Variants in UNC5C observed in about 807,000 individuals in gnomAD.
UNC5C encodes the protein netrin receptor UNC5C.
In UNC5C, 47 loss-of-function variants were observed where a neutral mutation model predicts 99.8. The ratio of observed to expected loss-of-function variants is 0.47; its 90% confidence interval spans 0.37 to 0.60. The LOEUF is 0.60. Among genes scored for constraint, UNC5C ranks in the 20% least tolerant of loss-of-function variants. The pLI, the probability that UNC5C is intolerant of heterozygous loss-of-function variation, is 0.00. For missense variants in UNC5C, 1,062 were observed against 1,165.9 expected (o/e 0.91, Z 1.30); for synonymous variants, 487 against 452.2 (o/e 1.08, Z -0.98).
intron 1 of UNC5C, among the ~76,000 whole-genome samples, chr4:95,367,089 A>G (rs1744595986): frequency 6.6e-6 from 1 of 152,166 alleles, no homozygotes; most frequent in South Asian, 2.1e-4. Flanking sequence ...CATTTAACAT[A>G]TTATATAAAG....
At chr4:95,467,854 T>G (rs1191880011) in intron 1 of UNC5C, among the ~76,000 whole-genome samples, 1 of 152,172 alleles carries the variant, frequency 6.6e-6, no homozygotes, top group Non-Finnish European at 1.5e-5. Context: ...TTATACTGTA[T>G]TTTTACAATA....
rs2276322 is a variant in UNC5C at position 95,206,718 on chromosome 4, T to A, written c.1812A>T (p.Pro604=). 19 of 1,613,628 alleles carry A rather than the reference T, an allele frequency of 1.2e-5. No homozygotes were observed. The highest frequency in any genetic ancestry group is 8.9e-5 in the East Asian group (4 of 44,854). ...CGPPGALLTR[P]VVLTMHHCAD... is the part of the protein sequence containing the mutation. ...CGCAGTGATGCATAGTGAGGACGACTGGGCGGGTGAGCAGAGCTCCTGGGG... is the reference window on the plus strand; with the variant it reads ...CGCAGTGATGCATAGTGAGGACGACAGGGCGGGTGAGCAGAGCTCCTGGGG... Residue 604 remains proline (P), a synonymous_variant, in exon 11 of 16, where the codon CCA becomes CCT. Coordinates refer to ENST00000453304, the MANE Select transcript of UNC5C (RefSeq NM_003728.4).
At chr4:95,195,577 G>A (rs772805873) in intron 12 of UNC5C, among the ~76,000 whole-genome samples, 36 of 152,082 alleles carry the variant, frequency 2.4e-4, no homozygotes, top group Admixed American at 9.8e-4. Context: ...TTCAGAGTTC[G>A]GTAAGGTCAC....
At chr4:95,279,709 C>T (rs534918440) in intron 3 of UNC5C, among the ~76,000 whole-genome samples, 79 of 152,206 alleles carry the variant, frequency 5.2e-4, no homozygotes, top group Middle Eastern at 3.4e-3. Flanking sequence ...TCTGTTATCC[C>T]AGGTCCCTGA....
At chr4:95,504,047 C>G (rs1460073736) in intron 1 of UNC5C, among the ~76,000 whole-genome samples, 1 of 152,104 alleles carries the variant, frequency 6.6e-6, no homozygotes, top group Admixed American at 6.6e-5. Context: ...ATCCTAAACA[C>G]TTATTTCCTA....
At chr4:95,202,554 T>C (rs529805564) in intron 12 of UNC5C, among the ~76,000 whole-genome samples, 177 bp downstream of exon 12, 9 of 152,358 alleles carry the variant, frequency 5.9e-5, no homozygotes, top group African/African-American at 2.2e-4. Context: ...AAACAGCTCA[T>C]ATATCAGCAT....
chr4:95,231,952 A>G (rs1404716431), intron 7 of UNC5C, among the ~76,000 whole-genome samples: 1 of 152,204 alleles, frequency 6.6e-6, no homozygotes, highest in Admixed American at 6.5e-5. Context: ...ATGGTAATTT[A>G]CTGCTCCAGC....
intron 3 of UNC5C, among the ~76,000 whole-genome samples, chr4:95,281,303 C>CATATGA (rs1741052049): frequency 1.3e-5 from 2 of 152,130 alleles, no homozygotes; most frequent in Admixed American, 6.5e-5. Context: ...ATATGGTAGA[C>CATATGA]ATTTTATTAG....
intron 1 of UNC5C, among the ~76,000 whole-genome samples, chr4:95,458,456 A>G (rs265038): frequency 0.66 from 100,366 of 151,740 alleles, 33,876 homozygotes; most frequent in East Asian, 0.82. Flanking sequence ...TGACAAATAT[A>G]TAGTTTCAGT....
At chr4:95,405,059 C>T (rs563923335) in intron 1 of UNC5C, among the ~76,000 whole-genome samples, 221 of 152,236 alleles carry the variant, frequency 1.5e-3, no homozygotes, top group African/African-American at 5.0e-3. Flanking sequence ...ATTCATTCTT[C>T]GAGTGTGTGA....
At chr4:95,396,177 G>A (rs1745503333) in intron 1 of UNC5C, among the ~76,000 whole-genome samples, 1 of 152,160 alleles carries the variant, frequency 6.6e-6, no homozygotes, top group Non-Finnish European at 1.5e-5. Flanking sequence ...GAGAGATTCT[G>A]CTGTGTAGAA....
chr4:95,423,350 C>A (rs921344480), intron 1 of UNC5C, among the ~76,000 whole-genome samples: 3 of 152,222 alleles, frequency 2.0e-5, no homozygotes, highest in Non-Finnish European at 4.4e-5. Context: ...AGCCCACTGG[C>A]TGTTTCTGTA....
At chr4:95,428,019 T>C (rs962252299) in intron 1 of UNC5C, among the ~76,000 whole-genome samples, 1 of 152,068 alleles carries the variant, frequency 6.6e-6, no homozygotes, top group African/African-American at 2.4e-5. Flanking sequence ...TCCAAATCGC[T>C]AGATTTTCTA....
chr4:95,364,276 C>T (rs1744486717), intron 1 of UNC5C, among the ~76,000 whole-genome samples: 3 of 152,144 alleles, frequency 2.0e-5, no homozygotes, highest in Admixed American at 6.6e-5. Flanking sequence ...TCTGGAGATA[C>T]TGAAAAGGAA....
intron 2 of UNC5C, among the ~76,000 whole-genome samples, chr4:95,309,567 A>G (rs564252453): frequency 8.5e-5 from 13 of 152,208 alleles, no homozygotes; most frequent in Admixed American, 4.6e-4. Flanking sequence ...TATATAAGGA[A>G]CTCAGTCAAC....
intron 1 of UNC5C, among the ~76,000 whole-genome samples, chr4:95,424,290 A>T (rs1746400598): frequency 6.6e-6 from 1 of 151,134 alleles, no homozygotes; most frequent in Non-Finnish European, 1.5e-5. Context: ...GTGTGTACAC[A>T]CGGAAGCCAA....
intron 1 of UNC5C, among the ~76,000 whole-genome samples, chr4:95,529,298 ATATATT>A (rs1722578103): frequency 6.8e-6 from 1 of 148,092 alleles, no homozygotes; most frequent in Non-Finnish European, 1.5e-5. Context: ...ATATATGTAT[ATATATT>A]TATATGTATA....
intron 5 of UNC5C, among the ~76,000 whole-genome samples, chr4:95,246,174 A>C (rs1274711328): frequency 6.6e-6 from 1 of 152,244 alleles, no homozygotes; most frequent in African/African-American, 2.4e-5. Flanking sequence ...TGTAATGTTC[A>C]AAAACAAGAC....
intron 1 of UNC5C, among the ~76,000 whole-genome samples, chr4:95,449,965 A>C (rs1201683251): frequency 6.6e-6 from 1 of 152,206 alleles, no homozygotes; most frequent in Non-Finnish European, 1.5e-5. Flanking sequence ...GCCCGTACCC[A>C]AGTTTCTTGT....
Sources: allele counts gnomAD v4.1 joint callset (sites outside exome capture counted in the v4.1 genomes callset), GRCh38; gene constraint gnomAD v4.1.1; transcripts MANE v1.5; gene names NCBI Gene and HGNC (gene_info 2026-07-23, HGNC 2026-07-21).